The following NSD1 variants were observed in gnomAD, a reference collection of about 807,000 sequenced individuals.
NSD1 encodes histone-lysine N-methyltransferase, H3 lysine-36 specific.
Under a neutral mutation model 242.7 loss-of-function variants are expected in NSD1, and 26 were observed. The observed-to-expected ratio is 0.11, with a 90% confidence interval of 0.08 to 0.15. The LOEUF (loss-of-function observed/expected upper bound fraction) is 0.15. Ranked by LOEUF, NSD1 falls within the 10% of genes least tolerant of loss-of-function variation. NSD1 has a pLI of 1.00. For synonymous variants in NSD1, 1,106 were observed against 1,178.1 expected (o/e 0.94, Z 1.25); for missense variants, 2,495 against 3,272.8 (o/e 0.76, Z 5.80).
intron 2 of NSD1, among the ~76,000 whole-genome samples, chr5:177,174,580 C>G (rs370457123): frequency 6.6e-6 from 1 of 151,136 alleles, no homozygotes; most frequent in East Asian, 2.0e-4. Context: ...TTTTTTGACA[C>G]GGAGTCTTGC....
chr5:177,276,008 G>A (rs1049599859), intron 17 of NSD1, among the ~76,000 whole-genome samples: 2 of 151,838 alleles, frequency 1.3e-5, no homozygotes, highest in African/African-American at 2.4e-5. Context: ...TGCAACCTCC[G>A]CTTCGTGGGC....
chr5:177,267,480 T>A lies in NSD1; in HGVS notation c.5147-82T>A, dbSNP rs10071491. 0.044 allele frequency: 43,792 copies of A among 1,004,324 alleles called. 2,080 individuals are homozygous for A. The highest frequency in any genetic ancestry group is 0.22 in the African/African-American group (13,940 of 62,708). The allele number at this position is 1,004,324 out of a possible 1,614,324, so 62.2% of individuals were successfully genotyped here. On this transcript the variant is annotated intron_variant, in intron 14 of 22. Coordinates refer to ENST00000439151, the MANE Select transcript of NSD1 (RefSeq NM_022455.5). ...TATCTTTTAGTGAAGAGAAAGAAAATATATATATATATGTGTATGGATGTA... is the reference window on the plus strand; with the variant it reads ...TATCTTTTAGTGAAGAGAAAGAAAAAATATATATATATGTGTATGGATGTA...
chr5:177,171,463 G>GT (rs1265926184), intron 2 of NSD1, among the ~76,000 whole-genome samples: 1 of 152,012 alleles, frequency 6.6e-6, no homozygotes, highest in African/African-American at 2.4e-5. Context: ...TTTTGTTACT[G>GT]TTTTTTTCTA....
intron 18 of NSD1, among the ~76,000 whole-genome samples, chr5:177,281,559 T>C (rs1282102006): frequency 6.6e-6 from 1 of 152,158 alleles, no homozygotes; most frequent in Non-Finnish European, 1.5e-5. Context: ...GAGAGAAATA[T>C]TGAACAAATC....
chr5:177,241,600 C>T (rs372455392), intron 8 of NSD1, among the ~76,000 whole-genome samples: 26 of 152,134 alleles, frequency 1.7e-4, no homozygotes, highest in African/African-American at 6.3e-4. Flanking sequence ...CTTAATAACT[C>T]TTCGTCACGG....
At chr5:177,147,222 C>T (rs1318741896) in intron 2 of NSD1, among the ~76,000 whole-genome samples, 2 of 152,108 alleles carry the variant, frequency 1.3e-5, no homozygotes, top group African/African-American at 4.8e-5. Context: ...CCTCCCACCT[C>T]AGCCTCCTGA....
intron 6 of NSD1, among the ~76,000 whole-genome samples, chr5:177,237,476 C>T (rs1765538093): frequency 7.1e-6 from 1 of 140,918 alleles, no homozygotes. Flanking sequence ...CAGTCAACTT[C>T]ATTTAATTTT....
chr5:177,164,910 T>C lies in NSD1; in HGVS notation c.928-26974T>C, dbSNP rs1057109157. 3.3e-5 allele frequency among the ~76,000 whole-genome samples: 5 copies of C among 151,016 alleles called. No individual in the cohort carries two copies. The Admixed American group carries it at 3.3e-4, about 10-fold the overall frequency. ...GTGAGCCGAGATCCTGCCGCTGCAT[T>C]GAAGCCTGGGTGAGAAGAGCGAAAC... On this transcript the variant is annotated intron_variant, in intron 2 of 22. Transcript: ENST00000439151.
At chr5:177,197,845 G>A (rs1008223920) in intron 3 of NSD1, among the ~76,000 whole-genome samples, 1 of 151,878 alleles carries the variant, frequency 6.6e-6, no homozygotes, top group Non-Finnish European at 1.5e-5. Context: ...TAAGAAGGTG[G>A]AGATCACGAG....
At chr5:177,189,707 A>T (rs1056351341) in intron 2 of NSD1, among the ~76,000 whole-genome samples, 1 of 152,198 alleles carries the variant, frequency 6.6e-6, no homozygotes, top group African/African-American at 2.4e-5. Flanking sequence ...CATGTTACTT[A>T]ATGTATTTGA....
intron 14 of NSD1, among the ~76,000 whole-genome samples, chr5:177,263,023 T>C (rs540073899): frequency 1.3e-5 from 2 of 152,234 alleles, no homozygotes; most frequent in South Asian, 2.1e-4. Flanking sequence ...TACCTACTTA[T>C]GACCTGGAAC....
At chr5:177,197,853 G>A (rs991420176) in intron 3 of NSD1, among the ~76,000 whole-genome samples, 1 of 152,076 alleles carries the variant, frequency 6.6e-6, no homozygotes, top group Non-Finnish European at 1.5e-5. Flanking sequence ...TGGAGATCAC[G>A]AGTACCTTTT....
chr5:177,185,662 T>A (rs369686030), intron 2 of NSD1, among the ~76,000 whole-genome samples: 7 of 124,352 alleles, frequency 5.6e-5, no homozygotes, highest in African/African-American at 2.2e-4. Flanking sequence ...ACCAAATATA[T>A]ATTATATATA....
intron 3 of NSD1, among the ~76,000 whole-genome samples, chr5:177,203,683 T>C (rs1762663996): frequency 1.3e-5 from 2 of 152,050 alleles, no homozygotes; most frequent in South Asian, 4.1e-4. Flanking sequence ...ACATTTCTTC[T>C]TCTTTATATT....
rs1763235183 is a variant in NSD1, at chr5:177,210,322, T to G, written c.1923T>G (p.Thr641=). 1.9e-6 allele frequency: 3 copies of G among 1,613,992 alleles called. No individual in the cohort carries two copies. Among genetic ancestry groups the G allele is most frequent in the Non-Finnish European group, 2.5e-6 (3 of 1,179,976 alleles). ...KRSDSISICT[T]SDDGSSDLDP... is the part of the protein sequence containing the mutation. ...GTGATTCCATTAGTATCTGTACCAC[T>G]TCTGATGATGGAAGCAGTGACCTGG... is the stretch of plus-strand genomic sequence containing the variant. Residue 641 remains threonine (T), a synonymous_variant, in exon 5 of 23, where the codon ACT becomes ACG. Transcript: ENST00000439151.
intron 14 of NSD1, among the ~76,000 whole-genome samples, chr5:177,264,028 A>ATT (rs61538775): frequency 0.076 from 5,793 of 76,064 alleles, 1,097 homozygotes; most frequent in African/African-American, 0.19. Context: ...CAATGAACCA[A>ATT]TTTTTTTTTT....
intron 17 of NSD1, among the ~76,000 whole-genome samples, chr5:177,274,417 C>T (rs902133513): frequency 1.3e-5 from 2 of 152,150 alleles, no homozygotes; most frequent in African/African-American, 4.8e-5. Context: ...TATGTTGTTG[C>T]TAAAATAATT....
Position 177,257,844 on chromosome 5 carries a change from T to TTA in NSD1, c.4966+694_4966+695insAT, listed in dbSNP as rs1562266628. 1.0e-4 allele frequency among the ~76,000 whole-genome samples: 15 copies of TTA among 148,544 alleles called. 1 individual carries two copies. Among genetic ancestry groups the TTA allele is most frequent in the African/African-American group, 2.9e-4 (12 of 40,796 alleles). ...TTTATTTTATTTTATTTTATTTTAT[T>TTA]TTTTTTTGAGACGGAGTCTTGCTCT... On this transcript the variant is annotated intron_variant, in intron 13 of 22. Transcript: ENST00000439151.
chr5:177,204,317 T>C (rs756316073), intron 4 of NSD1, 25 bp downstream of exon 4: 4 of 1,604,004 alleles, frequency 2.5e-6, no homozygotes, highest in South Asian at 1.1e-5. Flanking sequence ...AGGCTTTTTA[T>C]TGAGTGACAG....
Sources: gnomAD v4.1 joint callset for allele counts (sites outside exome capture counted in the v4.1 genomes callset) on GRCh38, gnomAD v4.1.1 for gene constraint, MANE v1.5 for transcripts, NCBI Gene and HGNC (gene_info 2026-07-23, HGNC 2026-07-21) for gene names.